Variants in RFX6 observed in about 807,000 individuals in gnomAD.
RFX6 encodes the protein DNA-binding protein RFX6.
In RFX6, 50 loss-of-function variants were observed where a neutral mutation model predicts 110.8. The ratio of observed to expected loss-of-function variants is 0.45; its 90% CI spans 0.36 to 0.57. The LOEUF is 0.57. RFX6 is among the 20% of genes least tolerant of loss of function. The probability of loss-of-function intolerance (pLI) is 0.00; values close to 1 mark genes in which losing one functional copy is unlikely to be tolerated. For synonymous variants in RFX6, 383 were observed against 411.2 expected (o/e 0.93, Z 0.83); for missense variants, 990 against 1,127.0 (o/e 0.88, Z 1.74).
At chr6:116,886,373 G>T (rs930720624) in intron 4 of RFX6, among the ~76,000 whole-genome samples, 1 of 152,048 alleles carries the variant, frequency 6.6e-6, no homozygotes, top group Admixed American at 6.6e-5. Flanking sequence ...TGACTCAAAA[G>T]GTTCTCCTGT....
chr6:116,927,136 C>G lies in RFX6; in HGVS notation c.1995C>G (p.Pro665=), dbSNP rs1399394236. ...VINQGPMAGR[P]PSVGPVLSAP... ...ACCAAGGACCAATGGCAGGGAGGCC[C>G]CCAAGTGTGGGCCCAGTACTGTCAG... is the stretch of plus-strand genomic sequence containing the variant. Residue 665 remains proline, a synonymous_variant, in exon 17 of 19, where the codon CCC becomes CCG. Transcript: ENST00000332958. 6.2e-7 allele frequency: 1 copy of G among 1,614,144 alleles called. No homozygotes were observed. Among genetic ancestry groups the G allele is most frequent in the Non-Finnish European group, 8.5e-7 (1 of 1,180,026 alleles).
chr6:116,928,999 C>A (rs1248633915), intron 18 of RFX6, 28 bp downstream of exon 18: 1 of 1,458,376 alleles, frequency 6.9e-7, no homozygotes, highest in Non-Finnish European at 9.6e-7. Flanking sequence ...TTCTTGAAAA[C>A]ATTTTAAGAA....
intron 9 of RFX6, among the ~76,000 whole-genome samples, chr6:116,916,610 G>A (rs555294510): frequency 6.4e-4 from 97 of 152,012 alleles, no homozygotes; most frequent in African/African-American, 2.2e-3. Context: ...ACTCTCTAAG[G>A]TGTTTTCAGA....
intron 6 of RFX6, among the ~76,000 whole-genome samples, chr6:116,910,020 A>G (rs1014853081): frequency 2.0e-5 from 3 of 152,142 alleles, no homozygotes; most frequent in Admixed American, 6.6e-5. Flanking sequence ...CATCTTCAAT[A>G]TGACAGAGAT....
At chr6:116,930,155 A>T (rs1233799020) in intron 18 of RFX6, among the ~76,000 whole-genome samples, 1 of 152,236 alleles carries the variant, frequency 6.6e-6, no homozygotes, top group Non-Finnish European at 1.5e-5. Flanking sequence ...GCTTTAGTTT[A>T]TCAGAGCTGG....
intron 5 of RFX6, 104 bp from the exon 6 acceptor site, chr6:116,895,076 T>A: frequency 1.6e-6 from 1 of 634,250 alleles, no homozygotes; most frequent in Non-Finnish European, 2.9e-6. Flanking sequence ...CTTATTTCTC[T>A]AATCATGGTA....
chr6:116,893,182 T>C (rs932039975), intron 4 of RFX6, among the ~76,000 whole-genome samples: 2 of 152,282 alleles, frequency 1.3e-5, no homozygotes, highest in Non-Finnish European at 2.9e-5. Flanking sequence ...GAGTGGAGAC[T>C]GACCACAGAA....
At chr6:116,930,467 G>C (rs1382236447) in intron 18 of RFX6, among the ~76,000 whole-genome samples, 2 of 152,150 alleles carry the variant, frequency 1.3e-5, no homozygotes, top group Non-Finnish European at 2.9e-5. Flanking sequence ...TTCTAGTAGA[G>C]GGACAGTAAG....
rs9387438 is a variant in RFX6 at position 116,915,364 on chromosome 6, A to G, written c.781-644A>G. ...CTTACTGGGTGCCAGGCACTGTTCC[A>G]TATGTGTCACATCCTATTTTATTTG... On this transcript the variant is annotated intron_variant, in intron 7 of 18. Coordinates refer to ENST00000332958, the MANE Select transcript of RFX6 (RefSeq NM_173560.4). Among the ~76,000 whole-genome samples the G allele has an allele frequency of 3.3e-5, 5 of 152,290 alleles. No individual in the cohort carries two copies. The East Asian group carries it at 9.6e-4, about 29-fold the overall frequency.
At chr6:116,892,739 G>A (rs928944818) in intron 4 of RFX6, among the ~76,000 whole-genome samples, 1 of 152,216 alleles carries the variant, frequency 6.6e-6, no homozygotes, top group Admixed American at 6.5e-5. Context: ...GTCAATGTAA[G>A]AGGACAGGAA....
At chr6:116,926,970 T>C (rs1453626346) in intron 16 of RFX6, 57 bp from the exon 17 acceptor site, 1 of 1,421,874 alleles carries the variant, frequency 7.0e-7, no homozygotes, top group Non-Finnish European at 9.9e-7. Context: ...TTTTTAAAGA[T>C]GTGAGCTCAT....
At chr6:116,924,598 C>G in intron 14 of RFX6, 71 bp from the exon 15 acceptor site, 3 of 1,367,572 alleles carry the variant, frequency 2.2e-6, no homozygotes, top group Non-Finnish European at 3.1e-6. Flanking sequence ...CTTCTCTTTC[C>G]CTTTCCTTCT....
chr6:116,928,301 G>A (rs1775797791), intron 17 of RFX6, among the ~76,000 whole-genome samples: 1 of 152,184 alleles, frequency 6.6e-6, no homozygotes, highest in South Asian at 2.1e-4. Context: ...GGCTTTGTGT[G>A]TAGGCTTCTT....
intron 6 of RFX6, among the ~76,000 whole-genome samples, 160 bp downstream of exon 6, chr6:116,895,367 C>A (rs1328183848): frequency 6.6e-6 from 1 of 151,988 alleles, no homozygotes; most frequent in East Asian, 1.9e-4. Context: ...AGATTTGGGA[C>A]AACAAATGAA....
At chr6:116,920,602 C>G in intron 12 of RFX6, 148 bp downstream of exon 12, 1 of 704,912 alleles carries the variant, frequency 1.4e-6, no homozygotes. Context: ...ATGACAGTAG[C>G]AGCCTCCCCC....
chr6:116,880,084 T>G (rs1451646018), intron 2 of RFX6, among the ~76,000 whole-genome samples: 1 of 152,038 alleles, frequency 6.6e-6, no homozygotes, highest in African/African-American at 2.4e-5. Flanking sequence ...ATCATTGTCC[T>G]TCCCTAATTA....
chr6:116,890,273 G>A (rs909721112), intron 4 of RFX6, among the ~76,000 whole-genome samples: 4 of 151,952 alleles, frequency 2.6e-5, no homozygotes, highest in Non-Finnish European at 5.9e-5. Context: ...TCTACTTGCC[G>A]GCTGCTGTGA....
At chr6:116,920,578 C>T (rs1775573170) in intron 12 of RFX6, 124 bp downstream of exon 12, 1 of 824,016 alleles carries the variant, frequency 1.2e-6, no homozygotes. Flanking sequence ...GCATCCTTGA[C>T]CTTTACCCAT....
Position 116,931,427 on chromosome 6 carries a change from G to A in RFX6, c.2708G>A (p.Gly903Glu), listed in dbSNP as rs958495179. 6.2e-7 allele frequency: 1 copy of A among 1,612,884 alleles called. No homozygotes were observed. The highest frequency in any genetic ancestry group is 1.7e-5 in the Admixed American group (1 of 59,996). ...YPAQETLDSH[G>E]TSSREMVSSL... is the part of the protein sequence containing the mutation. The stretch of plus-strand genomic sequence containing the variant: ...GCTCAAGAAACCCTGGACTCCCATG[G>A]AACAAGCAGTAGAGAAATGGTGTCC... Residue 903 changes from glycine to glutamate, a missense_variant, in exon 19 of 19, where the codon GGA (glycine) becomes GAA (glutamate). By Grantham distance (98) the Gly-to-Glu change is moderately conservative. Around this residue, in one of 5 missense-constraint regions of RFX6, gnomAD observed 438 missense variants for 441.9 expected, o/e 0.99. Coordinates refer to ENST00000332958, the MANE Select transcript of RFX6 (RefSeq NM_173560.4).
Sources: gnomAD v4.1 joint callset for allele counts (sites outside exome capture counted in the v4.1 genomes callset) on GRCh38, gnomAD v4.1.1 for gene constraint, gnomAD v4.1.1 regional missense constraint, MANE v1.5 for transcripts, NCBI Gene and HGNC (gene_info 2026-07-23, HGNC 2026-07-21) for gene names.